The following GRID2 variants were observed in gnomAD, a reference collection of about 807,000 sequenced individuals.
The protein encoded by GRID2 is glutamate ionotropic receptor delta type subunit 2, also known as glutamate receptor ionotropic, delta-2.
A neutral mutation model predicts 114.8 loss-of-function variants in GRID2; 33 were observed. The observed-to-expected ratio is 0.29, with a 90% CI of 0.22 to 0.38. The LOEUF is 0.38. Ranked by LOEUF, GRID2 falls within the 10% of genes least tolerant of loss-of-function variation. The pLI, the probability that GRID2 is intolerant of heterozygous loss-of-function variation, is 1.00. For missense variants in GRID2, 1,184 were observed against 1,257.7 expected (o/e 0.94, Z 0.89); for synonymous variants, 505 against 449.9 (o/e 1.12, Z -1.55).
intron 8 of GRID2, among the ~76,000 whole-genome samples, chr4:93,317,986 A>AAT (rs58755199): frequency 0.06 from 6,031 of 100,548 alleles, 270 homozygotes; most frequent in Non-Finnish European, 0.064. Context: ...TTAAAAGTGA[A>AAT]ATATATATAT....
At chr4:92,873,571 T>C (rs2149448683) in intron 2 of GRID2, among the ~76,000 whole-genome samples, 1 of 152,308 alleles carries the variant, frequency 6.6e-6, no homozygotes, top group South Asian at 2.1e-4. Context: ...AAAATTTAGA[T>C]ACGCTTCTAT....
At chr4:92,644,813 G>A (rs1731531688) in intron 2 of GRID2, among the ~76,000 whole-genome samples, 1 of 151,284 alleles carries the variant, frequency 6.6e-6, no homozygotes, top group African/African-American at 2.4e-5. Context: ...ACAAATAAAT[G>A]TTTATATTCA....
chr4:93,615,067 G>T (rs1741465323), intron 13 of GRID2, among the ~76,000 whole-genome samples: 1 of 151,984 alleles, frequency 6.6e-6, no homozygotes, highest in African/African-American at 2.4e-5. Context: ...CGTTGATTCT[G>T]GTGTCATTCC....
At chr4:93,792,187 C>T (rs900268970) in intron 1 of GRID2, among the ~76,000 whole-genome samples, 1 of 152,112 alleles carries the variant, frequency 6.6e-6, no homozygotes, top group African/African-American at 2.4e-5. Context: ...AACCTGCTGC[C>T]CAAATCATCA....
At chr4:93,792,613 C>T (rs1330707522) in intron 1 of GRID2, among the ~76,000 whole-genome samples, 2 of 152,162 alleles carry the variant, frequency 1.3e-5, no homozygotes, top group African/African-American at 4.8e-5. Flanking sequence ...ACCCCTTTCA[C>T]CCCACTTTTA....
intron 13 of GRID2, among the ~76,000 whole-genome samples, chr4:93,523,853 T>G (rs1304477262): frequency 6.6e-6 from 1 of 152,136 alleles, no homozygotes; most frequent in Non-Finnish European, 1.5e-5. Context: ...TGCACCATGT[T>G]GCACAAAGGA....
At chr4:92,564,426 A>G (rs917683259) in intron 1 of GRID2, among the ~76,000 whole-genome samples, 9 of 152,018 alleles carry the variant, frequency 5.9e-5, no homozygotes, top group African/African-American at 2.2e-4. Context: ...GTACAAATCA[A>G]GGTTGATAGA....
intron 8 of GRID2, among the ~76,000 whole-genome samples, chr4:93,271,898 A>G (rs550445948): frequency 6.6e-6 from 1 of 152,336 alleles, no homozygotes; most frequent in African/African-American, 2.4e-5. Context: ...AGCATTTTAT[A>G]ATTTTACATG....
At chr4:93,195,197 T>C (rs979915860) in intron 4 of GRID2, among the ~76,000 whole-genome samples, 5 of 152,186 alleles carry the variant, frequency 3.3e-5, no homozygotes, top group Non-Finnish European at 4.4e-5. Flanking sequence ...TTTGAGTTAC[T>C]GGTACAGATA....
intron 7 of GRID2, among the ~76,000 whole-genome samples, 195 bp downstream of exon 7, chr4:93,224,970 A>C (rs1265033435): frequency 2.0e-5 from 3 of 152,110 alleles, no homozygotes; most frequent in African/African-American, 7.2e-5. Context: ...ATTTATTTAT[A>C]AGGGAGTTTT....
chr4:92,674,375 C>T (rs1017431033), intron 2 of GRID2, among the ~76,000 whole-genome samples: 21 of 152,148 alleles, frequency 1.4e-4, no homozygotes, highest in African/African-American at 2.7e-4. Context: ...TTCAAGTTCA[C>T]TCATTCTTTA....
intron 2 of GRID2, among the ~76,000 whole-genome samples, chr4:92,791,697 A>C (rs111571961): frequency 9.2e-5 from 14 of 152,010 alleles, no homozygotes; most frequent in African/African-American, 3.4e-4. Flanking sequence ...GAAATTGCTA[A>C]ACCATCACTG....
chr4:92,702,871 C>T (rs190083257), intron 2 of GRID2, among the ~76,000 whole-genome samples: 159 of 152,118 alleles, frequency 1.0e-3, no homozygotes, highest in Admixed American at 5.1e-3. Context: ...TTCTAGTCAT[C>T]TAAAATTCAA....
chr4:93,550,517 A>C (rs947061411), intron 13 of GRID2, among the ~76,000 whole-genome samples: 1 of 152,152 alleles, frequency 6.6e-6, no homozygotes, highest in African/African-American at 2.4e-5. Flanking sequence ...GATGTGAAAA[A>C]TCTATTTCCT....
At chr4:93,587,234 AG>A (rs1468347142) in intron 13 of GRID2, among the ~76,000 whole-genome samples, 1 of 152,174 alleles carries the variant, frequency 6.6e-6, no homozygotes, top group Non-Finnish European at 1.5e-5. Context: ...TTAGATGCAC[AG>A]GATTACAAAG....
At chr4:92,800,727 C>A (rs886520179) in intron 2 of GRID2, among the ~76,000 whole-genome samples, 2 of 151,862 alleles carry the variant, frequency 1.3e-5, no homozygotes, top group Non-Finnish European at 2.9e-5. Context: ...GTCATGAAGC[C>A]CGATCATCTG....
chr4:92,974,056 C>T (rs1753694023), intron 2 of GRID2, among the ~76,000 whole-genome samples: 1 of 152,138 alleles, frequency 6.6e-6, no homozygotes, highest in African/African-American at 2.4e-5. Flanking sequence ...CAAAAGAAGA[C>T]ATTTATGCAA....
At chr4:92,540,398 C>G (rs1725876051) in intron 1 of GRID2, among the ~76,000 whole-genome samples, 1 of 152,158 alleles carries the variant, frequency 6.6e-6, no homozygotes. Flanking sequence ...ATCTACTCAT[C>G]TGATATAGGG....
chr4:92,994,721 A>G (rs1434110693), intron 2 of GRID2, among the ~76,000 whole-genome samples: 2 of 152,202 alleles, frequency 1.3e-5, no homozygotes, highest in Non-Finnish European at 2.9e-5. Context: ...AAATTGATCA[A>G]TAACTCAAGT....
Sources: allele counts gnomAD v4.1 joint callset (sites outside exome capture counted in the v4.1 genomes callset), GRCh38; gene constraint gnomAD v4.1.1; transcripts MANE v1.5; gene names NCBI Gene and HGNC (gene_info 2026-07-23, HGNC 2026-07-21).